TOGARAM2: variants seen among roughly 807,000 people sequenced by gnomAD.
TOGARAM2 encodes the protein TOG array regulator of axonemal microtubules 2.
TOGARAM2 carries 85 observed loss-of-function variants against 93.3 expected under a neutral mutation model. That is an observed-to-expected ratio of 0.91 (90% CI 0.76 to 1.09). The LOEUF is 1.09. Ranked by LOEUF, TOGARAM2 falls within the 50% of genes least tolerant of loss-of-function variation. The pLI is 0.00. For missense variants in TOGARAM2, 1,277 were observed against 1,334.5 expected, an observed-to-expected ratio of 0.96 and a Z score of 0.67; for synonymous variants, 593 against 552.8, an observed-to-expected ratio of 1.07 and a Z score of -1.02.
rs1664987426 is a variant in TOGARAM2, at chr2:29,022,074, A to G, written c.1361-84A>G. ...GCTCAGGGTGGTGGCACGGCCTCCC[A>G]TGGTGAGCGGTGGCAGGAGCGGCCA... On this transcript the variant is annotated intron_variant, in intron 10 of 19. Transcript: ENST00000379558. The G allele has an allele frequency of 2.5e-6, 4 of 1,576,604 alleles. No homozygotes were observed. The South Asian group carries it at 3.4e-5, about 13-fold the overall frequency.
In TOGARAM2 at chr2:29,022,149, T is replaced by G; in HGVS notation, c.1361-9T>G. 6.2e-7 allele frequency: 1 copy of G among 1,613,954 alleles called. No individual in the cohort carries two copies. The highest frequency in any genetic ancestry group is 8.5e-7 in the Non-Finnish European group (1 of 1,179,870). ...CGTGAAGCCTGCTGTTTCTTTCTTG[T>G]GAATGCAGCTAACTCATTACCTGCG... is the stretch of plus-strand genomic sequence containing the variant. On this transcript the variant is annotated splice_polypyrimidine_tract_variant and intron_variant, in intron 10 of 19. Transcript: ENST00000379558.
rs1290278404 is a variant in TOGARAM2, at chr2:29,014,423, A to C, written c.906A>C (p.Arg302Ser). ...LEPKPLASPI[R>S]DRPAAAKKPA... is the part of the protein sequence containing the mutation. ...CAAAACCTTTGGCCTCACCCATCAG[A>C]GACAGGCCTGCCGCTGCCAAGAAGC... The change falls in exon 8 of 20, where the codon AGA becomes AGC. Residue 302 changes from arginine to serine, a missense_variant. Arg to Ser is a moderately radical substitution (Grantham distance 110, BLOSUM62 -1). Coordinates refer to ENST00000379558, the MANE Select transcript of TOGARAM2 (RefSeq NM_199280.4). 24 of 1,609,674 alleles carry C rather than the reference A, an allele frequency of 1.5e-5. No homozygotes were observed. The highest frequency in any genetic ancestry group is 2.0e-5 in the Non-Finnish European group (24 of 1,178,478).
At position 29,036,578 on chromosome 2, in the gene TOGARAM2, A is replaced by G; in HGVS notation, c.2456A>G (p.Asn819Ser). Reference protein sequence around the residue: ...DAFTPRLQDSNKKVNQWALES... With the variant: ...DAFTPRLQDSSKKVNQWALES... The stretch of plus-strand genomic sequence containing the variant: ...TTCACCCCAAGGCTTCAGGATTCCA[A>G]CAAGAAAGTGAACCAGTGGGCGCTG... The change falls in exon 18 of 20, where the codon AAC becomes AGC. Residue 819 changes from asparagine to serine, a missense_variant. Coordinates refer to ENST00000379558, the MANE Select transcript of TOGARAM2 (RefSeq NM_199280.4). 1 of 1,614,030 alleles carries G rather than the reference A, an allele frequency of 6.2e-7. No individual in the cohort carries two copies. The highest frequency in any genetic ancestry group is 8.5e-7 in the Non-Finnish European group (1 of 1,179,902).
At chr2:28,998,030 C>A in intron 2 of TOGARAM2, 113 bp from the exon 3 acceptor site, 1 of 667,364 alleles carries the variant, frequency 1.5e-6, no homozygotes, top group Non-Finnish European at 2.4e-6. Context: ...GTTTTTTGGG[C>A]AGGGACCCTG....
chr2:28,987,960 G>A (rs944548607), intron 1 of TOGARAM2, among the ~76,000 whole-genome samples: 20 of 152,340 alleles, frequency 1.3e-4, no homozygotes, highest in Non-Finnish European at 2.4e-4. Context: ...CATCAGTCTC[G>A]CAGTTGGGGG....
chr2:29,027,793 C>T (rs911111874), intron 14 of TOGARAM2, among the ~76,000 whole-genome samples: 103 of 152,022 alleles, frequency 6.8e-4, no homozygotes, highest in African/African-American at 2.2e-3. Context: ...AACGGCTACA[C>T]GGAGCCAGCT....
chr2:28,998,004 G>A (rs1222497099), intron 2 of TOGARAM2, 139 bp from the exon 3 acceptor site: 8 of 546,146 alleles, frequency 1.5e-5, no homozygotes, highest in Non-Finnish European at 2.6e-5. Flanking sequence ...TGGGGGTGGG[G>A]CCACCACATG....
At chr2:28,999,505 C>A in intron 4 of TOGARAM2, 37 bp downstream of exon 4, 1 of 1,541,964 alleles carries the variant, frequency 6.5e-7, no homozygotes. Flanking sequence ...CACCCACCCA[C>A]TTCCAGGTCA....
intron 5 of TOGARAM2, 83 bp downstream of exon 5, chr2:29,002,830 C>T: frequency 7.7e-7 from 1 of 1,296,344 alleles, no homozygotes; most frequent in Non-Finnish European, 1.1e-6. Context: ...CCTCCACCAA[C>T]CCCTGACTCC....
At chr2:29,028,833 T>G (rs1665570419) in intron 14 of TOGARAM2, among the ~76,000 whole-genome samples, 1 of 152,206 alleles carries the variant, frequency 6.6e-6, no homozygotes, top group Non-Finnish European at 1.5e-5. Flanking sequence ...GAAGATGCTC[T>G]TAAGTTTTTA....
At position 29,017,384 on chromosome 2, in the gene TOGARAM2, T is replaced by A. The variant is rs1664650129; in HGVS notation, c.1195+80T>A. On this transcript the variant is annotated intron_variant, in intron 9 of 19. Transcript: ENST00000379558. The stretch of plus-strand genomic sequence containing the variant: ...CTCATAGCCTGCTGATGGGCCCATT[T>A]TCTTTTTTAAAATTTTTATTAGTAT... 3.2e-5 allele frequency: 42 copies of A among 1,325,000 alleles called. 1 individual carries two copies. In the South Asian group the frequency reaches 8.0e-4, roughly 25 times the overall value. The allele number at this position is 1,325,000 out of a possible 1,614,324, so 82.1% of individuals were successfully genotyped here. A position where few individuals can be genotyped will look rare whatever the true frequency, so the allele number is the denominator to read the frequency against.
chr2:28,984,825 C>T (rs1283081114), intron 1 of TOGARAM2, among the ~76,000 whole-genome samples: 1 of 152,206 alleles, frequency 6.6e-6, no homozygotes, highest in Non-Finnish European at 1.5e-5. Context: ...AAACCTTAAT[C>T]CTTGGGAGCA....
chr2:29,014,325 A>G (rs1664421825), intron 7 of TOGARAM2, 70 bp from the exon 8 acceptor site: 6 of 1,538,530 alleles, frequency 3.9e-6, no homozygotes, highest in Non-Finnish European at 5.3e-6. Flanking sequence ...GAATTGAGCC[A>G]GCCACAGGGT....
chr2:29,049,472 C>T lies in TOGARAM2; in HGVS notation c.2723-2284C>T, dbSNP rs568059450. 8 of 152,316 alleles carry T rather than the reference C, an allele frequency of 5.3e-5. No homozygotes were observed. In the East Asian group the frequency reaches 1.5e-3, roughly 29 times the overall value. 9.4% of individuals were successfully genotyped at this position (152,316 alleles called of 1,614,324 possible). ...CTGTGTTCTCACCTATTTTTGCATTCCATAGGGATTCAGGATACTTTTGAG... is the reference window on the plus strand; with the variant it reads ...CTGTGTTCTCACCTATTTTTGCATTTCATAGGGATTCAGGATACTTTTGAG... On this transcript the variant is annotated intron_variant, in intron 19 of 19. Transcript: ENST00000379558.
intron 18 of TOGARAM2, among the ~76,000 whole-genome samples, chr2:29,040,745 G>A (rs60404336): frequency 0.018 from 2,714 of 152,304 alleles, 72 homozygotes; most frequent in African/African-American, 0.056. Context: ...AGGCAGTTGC[G>A]ATTTTCCTGC....
At chr2:28,984,990 G>T (rs1053176402) in intron 1 of TOGARAM2, among the ~76,000 whole-genome samples, 2 of 152,232 alleles carry the variant, frequency 1.3e-5, no homozygotes, top group African/African-American at 4.8e-5. Flanking sequence ...TGGGCCCTGG[G>T]ATAGGTATTG....
Position 29,008,392 on chromosome 2 carries a change from C to G in TOGARAM2, c.831-3063C>G, listed in dbSNP as rs549378046. The stretch of plus-strand genomic sequence containing the variant: ...TCTTGAACTCCTGACCTTAGGTGAT[C>G]TGCCCACTTTGGCTTCCCAAAGTGC... On this transcript the variant is annotated intron_variant, in intron 6 of 19. Coordinates refer to ENST00000379558, the MANE Select transcript of TOGARAM2 (RefSeq NM_199280.4). Among the ~76,000 whole-genome samples the G allele has an allele frequency of 2.6e-5, 4 of 152,240 alleles. No homozygotes were observed. The South Asian group carries it at 8.3e-4, about 32-fold the overall frequency.
At chr2:28,983,414 C>T (rs1263610780) in intron 1 of TOGARAM2, among the ~76,000 whole-genome samples, 2 of 151,428 alleles carry the variant, frequency 1.3e-5, no homozygotes, top group African/African-American at 2.4e-5. Context: ...AGGGGCATAC[C>T]CTGTGTGGTC....
At chr2:29,021,218 G>C (rs17007449) in intron 10 of TOGARAM2, among the ~76,000 whole-genome samples, 8,530 of 152,192 alleles carry the variant, frequency 0.056, 784 homozygotes, top group African/African-American at 0.19. Context: ...CCGGCTGTGC[G>C]TCCACTTTCA....
Sources: gnomAD v4.1 joint callset for allele counts (sites outside exome capture counted in the v4.1 genomes callset) on GRCh38, gnomAD v4.1.1 for gene constraint, MANE v1.5 for transcripts, NCBI Gene and HGNC (gene_info 2026-07-23, HGNC 2026-07-21) for gene names.